RYR2: variants seen among roughly 807,000 people sequenced by gnomAD.
RYR2 encodes the protein ryanodine receptor 2.
RYR2 carries 227 observed loss-of-function variants against 601.1 expected under a neutral mutation model. The observed-to-expected ratio is 0.38, with a 90% CI of 0.34 to 0.42. RYR2 has a LOEUF of 0.42. Ranked by LOEUF, RYR2 falls within the 10% of genes least tolerant of loss-of-function variation. The pLI is 1.00. For synonymous variants in RYR2, 2,223 were observed against 2,175.1 expected (o/e 1.02, Z -0.61); for missense variants, 4,646 against 6,156.5 (o/e 0.75, Z 8.21).
intron 97 of RYR2, among the ~76,000 whole-genome samples, chr1:237,801,044 AAAAAC>A (rs71162421): frequency 0.35 from 53,155 of 151,800 alleles, 10,059 homozygotes; most frequent in East Asian, 0.63. Context: ...GAAATGAAGT[AAAAAC>A]AAAACAATTT....
chr1:237,405,034 G>A (rs1703724776), intron 10 of RYR2, among the ~76,000 whole-genome samples: 1 of 152,212 alleles, frequency 6.6e-6, no homozygotes, highest in African/African-American at 2.4e-5. Context: ...ATGAGACCCT[G>A]AGCAGGGAAC....
chr1:237,133,111 G>A (rs1422812431), intron 1 of RYR2, among the ~76,000 whole-genome samples: 2 of 152,164 alleles, frequency 1.3e-5, no homozygotes, highest in Non-Finnish European at 2.9e-5. Context: ...GTGGGCTGGT[G>A]GCAAGATTAG....
intron 93 of RYR2, 64 bp downstream of exon 93, chr1:237,791,579 T>A: frequency 1.2e-6 from 1 of 865,654 alleles, no homozygotes; most frequent in African/African-American, 1.7e-5. Context: ...ATGTAAAGAT[T>A]TCACGATGAA....
intron 1 of RYR2, among the ~76,000 whole-genome samples, chr1:237,092,872 C>T (rs570474345): frequency 6.6e-6 from 1 of 152,270 alleles, no homozygotes; most frequent in African/African-American, 2.4e-5. Flanking sequence ...ATTCAACTTG[C>T]TTCCTTCACA....
At chr1:237,382,473 C>G (rs1701603356) in intron 8 of RYR2, among the ~76,000 whole-genome samples, 2 of 151,774 alleles carry the variant, frequency 1.3e-5, no homozygotes, top group African/African-American at 4.8e-5. Flanking sequence ...GTGTGCTGCA[C>G]CCATTAACTT....
chr1:237,803,942 A>G (rs1474097247), intron 98 of RYR2, among the ~76,000 whole-genome samples: 2 of 152,058 alleles, frequency 1.3e-5, no homozygotes, highest in African/African-American at 2.4e-5. Flanking sequence ...TGGCTTTGCC[A>G]CTTACAATGA....
chr1:237,500,670 A>C, intron 20 of RYR2, 41 bp from the exon 21 acceptor site: 1 of 1,499,644 alleles, frequency 6.7e-7, no homozygotes, highest in Non-Finnish European at 8.9e-7. Context: ...TCTCTGAGAT[A>C]AAAAAATACA....
At chr1:237,097,880 C>A (rs1026796752) in intron 1 of RYR2, among the ~76,000 whole-genome samples, 1 of 152,132 alleles carries the variant, frequency 6.6e-6, no homozygotes, top group African/African-American at 2.4e-5. Flanking sequence ...CAAGTGAGTG[C>A]CCCCAATCCT....
At chr1:237,355,643 C>A (rs1699231102) in intron 3 of RYR2, among the ~76,000 whole-genome samples, 1 of 152,066 alleles carries the variant, frequency 6.6e-6, no homozygotes, top group African/African-American at 2.4e-5. Flanking sequence ...GTTCTTAAAT[C>A]AGAAGGCCTA....
chr1:237,053,879 T>C (rs1661602408), intron 1 of RYR2, among the ~76,000 whole-genome samples: 1 of 152,162 alleles, frequency 6.6e-6, no homozygotes, highest in Admixed American at 6.5e-5. Flanking sequence ...CACAGAATTC[T>C]CAGACTGAAA....
intron 16 of RYR2, among the ~76,000 whole-genome samples, chr1:237,462,130 A>G (rs111402693): frequency 6.6e-6 from 1 of 152,272 alleles, no homozygotes; most frequent in Non-Finnish European, 1.5e-5. Flanking sequence ...TTGGCTGTCA[A>G]AACCTTTGGT....
chr1:237,280,008 A>C (rs1690695195), intron 2 of RYR2, among the ~76,000 whole-genome samples: 3 of 152,248 alleles, frequency 2.0e-5, no homozygotes, highest in Non-Finnish European at 4.4e-5. Context: ...AACAATATCA[A>C]GAGCTCTTTC....
intron 12 of RYR2, among the ~76,000 whole-genome samples, chr1:237,436,251 C>T (rs1558814156): frequency 1.4e-5 from 2 of 145,078 alleles, no homozygotes; most frequent in East Asian, 4.2e-4. Context: ...TTCATTGGTC[C>T]CACGCACACT....
At chr1:237,236,790 G>A (rs1685590197) in intron 1 of RYR2, among the ~76,000 whole-genome samples, 1 of 152,116 alleles carries the variant, frequency 6.6e-6, no homozygotes, top group South Asian at 2.1e-4. Context: ...ATCATGTTGA[G>A]GAATTATCTA....
intron 1 of RYR2, among the ~76,000 whole-genome samples, chr1:237,194,512 G>C (rs1680341356): frequency 6.6e-6 from 1 of 152,162 alleles, no homozygotes; most frequent in African/African-American, 2.4e-5. Context: ...AGGTGGCCGA[G>C]ACAGGAAGGG....
At chr1:237,144,170 T>C (rs1308264137) in intron 1 of RYR2, among the ~76,000 whole-genome samples, 1 of 151,988 alleles carries the variant, frequency 6.6e-6, no homozygotes, top group African/African-American at 2.4e-5. Context: ...GTGACGCATG[T>C]TATAGGCCAT....
chr1:237,754,867 A>T (rs1692815615), intron 80 of RYR2, among the ~76,000 whole-genome samples: 1 of 152,200 alleles, frequency 6.6e-6, no homozygotes, highest in Admixed American at 6.5e-5. Context: ...TTGACTTCAC[A>T]GGAAGAGGTT....
At chr1:237,545,384 G>T (rs963250235) in intron 25 of RYR2, among the ~76,000 whole-genome samples, 3 of 152,158 alleles carry the variant, frequency 2.0e-5, no homozygotes, top group African/African-American at 4.8e-5. Context: ...ATTAAAAATT[G>T]GTTTCCAGAA....
At chr1:237,815,588 C>T (rs1661733549) in intron 100 of RYR2, among the ~76,000 whole-genome samples, 2 of 152,162 alleles carry the variant, frequency 1.3e-5, no homozygotes, top group South Asian at 2.1e-4. Context: ...CTGCTGGAAT[C>T]CCTTCATCAC....
Sources: gnomAD v4.1 joint callset for allele counts (sites outside exome capture counted in the v4.1 genomes callset) on GRCh38, gnomAD v4.1.1 for gene constraint, MANE v1.5 for transcripts, NCBI Gene and HGNC (gene_info 2026-07-23, HGNC 2026-07-21) for gene names.